PDE11A: variants seen among roughly 807,000 people sequenced by gnomAD.
The protein encoded by PDE11A is phosphodiesterase 11A.
A neutral mutation model predicts 100.5 loss-of-function variants in PDE11A; 100 were observed. That is an observed-to-expected ratio of 1.00 (90% CI 0.85 to 1.18). PDE11A has a LOEUF of 1.18. PDE11A is among the 50% of genes most tolerant of loss of function. The probability of loss-of-function intolerance (pLI) is 0.00; values close to 1 mark genes in which losing one functional copy is unlikely to be tolerated. For missense variants in PDE11A, 1,141 were observed against 1,152.6 expected (o/e 0.99, Z 0.15); for synonymous variants, 381 against 420.8 (o/e 0.91, Z 1.16).
intron 9 of PDE11A, among the ~76,000 whole-genome samples, chr2:177,803,920 A>ATGAAACT (rs1339915686): frequency 2.0e-5 from 3 of 151,794 alleles, no homozygotes; most frequent in African/African-American, 7.2e-5. Context: ...ATGCAGAAGA[A>ATGAAACT]TGAAACTGGA....
At chr2:178,084,750 CTT>C (rs11370989) in intron 2 of PDE11A, among the ~76,000 whole-genome samples, 11 of 142,524 alleles carry the variant, frequency 7.7e-5, no homozygotes, top group South Asian at 2.2e-4. Context: ...TGGTAGACAG[CTT>C]TTTTTTTTTT....
intron 10 of PDE11A, among the ~76,000 whole-genome samples, chr2:177,750,642 A>T (rs945796157): frequency 6.6e-6 from 1 of 152,224 alleles, no homozygotes; most frequent in Non-Finnish European, 1.5e-5. Flanking sequence ...TGGGCTTTGT[A>T]AAAGGTGTGG....
chr2:177,956,138 G>A (rs2085558984), intron 2 of PDE11A, among the ~76,000 whole-genome samples: 1 of 151,948 alleles, frequency 6.6e-6, no homozygotes, highest in South Asian at 2.1e-4. Context: ...CAGAATGGGA[G>A]AAAATTTTCG....
At chr2:178,055,157 C>T (rs2086882442) in intron 1 of PDE11A, among the ~76,000 whole-genome samples, 1 of 152,132 alleles carries the variant, frequency 6.6e-6, no homozygotes, top group African/African-American at 2.4e-5. Flanking sequence ...CCATGGAATA[C>T]TATGCAGCCA....
At chr2:178,012,141 T>A (rs545824176) in intron 2 of PDE11A, among the ~76,000 whole-genome samples, 1 of 152,224 alleles carries the variant, frequency 6.6e-6, no homozygotes, top group South Asian at 2.1e-4. Flanking sequence ...CACTAACTGG[T>A]AGGACTTCTT....
At position 178,072,670 on chromosome 2, in the gene PDE11A, G is replaced by A; in HGVS notation, c.-233C>T. 7.0e-7 allele frequency: 1 copy of A among 1,434,410 alleles called. No homozygotes were observed. The highest frequency in any genetic ancestry group is 2.6e-5 in the East Asian group (1 of 38,950). The allele number at this position is 1,434,410 out of a possible 1,614,324, so 88.9% of individuals were successfully genotyped here. A position where few individuals can be genotyped will look rare whatever the true frequency, so the allele number is the denominator to read the frequency against. ...CCTGCTACTCCTGCTCCGCACAGGT[G>A]CCCAGCACTGAGCTGCCGCCGCTGC... On this transcript the variant is annotated 5_prime_UTR_variant, in exon 1 of 20. Coordinates refer to ENST00000286063, the MANE Select transcript of PDE11A (RefSeq NM_016953.4).
intron 14 of PDE11A, among the ~76,000 whole-genome samples, chr2:177,700,383 G>A (rs941819282): frequency 2.9e-5 from 4 of 137,612 alleles, no homozygotes; most frequent in Admixed American, 7.8e-5. Flanking sequence ...ATGGGGAACA[G>A]ATGATCCCTT....
At chr2:177,958,027 G>A (rs568070673) in intron 2 of PDE11A, among the ~76,000 whole-genome samples, 1 of 150,270 alleles carries the variant, frequency 6.7e-6, no homozygotes, top group African/African-American at 2.5e-5. Flanking sequence ...AGCCTCCCAA[G>A]TAGCTGGTGC....
At chr2:178,051,193 G>A (rs191560241) in intron 1 of PDE11A, among the ~76,000 whole-genome samples, 261 of 152,294 alleles carry the variant, frequency 1.7e-3, no homozygotes, top group African/African-American at 6.2e-3. Flanking sequence ...GAGAGTGGGG[G>A]CCAATATTCA....
chr2:177,667,459 T>A (rs1212205406), intron 18 of PDE11A, among the ~76,000 whole-genome samples: 1 of 152,208 alleles, frequency 6.6e-6, no homozygotes, highest in African/African-American at 2.4e-5. Flanking sequence ...CTTCATTCTT[T>A]TGCCTGTGGA....
intron 9 of PDE11A, among the ~76,000 whole-genome samples, chr2:177,805,753 G>C (rs1413468665): frequency 2.0e-5 from 3 of 152,166 alleles, no homozygotes; most frequent in Non-Finnish European, 2.9e-5. Context: ...CAGATCAGTA[G>C]TGGAAAATAG....
chr2:177,704,572 CA>C (rs922918101), intron 13 of PDE11A, among the ~76,000 whole-genome samples: 2 of 150,312 alleles, frequency 1.3e-5, no homozygotes, highest in Non-Finnish European at 1.5e-5. Flanking sequence ...ATATAAGTGG[CA>C]AAAAAAATAA....
Position 177,679,975 on chromosome 2 carries a change from G to C in PDE11A, c.2423+851C>G, listed in dbSNP as rs145752756. On this transcript the variant is annotated intron_variant, in intron 16 of 19. Coordinates refer to ENST00000286063, the MANE Select transcript of PDE11A (RefSeq NM_016953.4). ...GAAAAAAACTAGAGCCCTCTGGGGA[G>C]AGGGCTGCAGGAAGGTGACATGAGG... 4.2e-3 allele frequency among the ~76,000 whole-genome samples: 641 copies of C among 152,256 alleles called. 4 individuals are homozygous for C. The highest frequency in any genetic ancestry group is 0.015 in the African/African-American group (604 of 41,562).
At chr2:177,932,105 T>C (rs1462410514) in intron 2 of PDE11A, among the ~76,000 whole-genome samples, 3 of 152,074 alleles carry the variant, frequency 2.0e-5, no homozygotes, top group Non-Finnish European at 2.9e-5. Flanking sequence ...CTCTCAAGAT[T>C]GAATCAGGAA....
intron 1 of PDE11A, among the ~76,000 whole-genome samples, chr2:178,041,535 C>T (rs562708460): frequency 6.6e-6 from 1 of 152,058 alleles, no homozygotes. Context: ...CCATCGCACC[C>T]GGCCAGAAAA....
At chr2:177,817,763 T>G in intron 8 of PDE11A, 95 bp downstream of exon 8, 3 of 705,150 alleles carry the variant, frequency 4.3e-6, no homozygotes, top group Non-Finnish European at 7.9e-6. Flanking sequence ...AGTATAATAA[T>G]AATTGACTAA....
chr2:178,037,592 T>C (rs1329812388), intron 1 of PDE11A, among the ~76,000 whole-genome samples: 1 of 152,146 alleles, frequency 6.6e-6, no homozygotes, highest in Non-Finnish European at 1.5e-5. Context: ...TGCAGCACTA[T>C]TTACAATAGC....
chr2:177,998,375 A>G, intron 2 of PDE11A: 1 of 827,242 alleles, frequency 1.2e-6, no homozygotes. Context: ...ATGAACCTAA[A>G]GTCCCTTTTC....
chr2:177,940,423 T>C (rs2085332680), intron 2 of PDE11A, among the ~76,000 whole-genome samples: 1 of 152,194 alleles, frequency 6.6e-6, no homozygotes, highest in Non-Finnish European at 1.5e-5. Flanking sequence ...ATAATCAGGA[T>C]TTAATAGAGT....
Sources: allele counts gnomAD v4.1 joint callset (sites outside exome capture counted in the v4.1 genomes callset), GRCh38; gene constraint gnomAD v4.1.1; transcripts MANE v1.5; gene names NCBI Gene and HGNC (gene_info 2026-07-23, HGNC 2026-07-21).